Variants in HTR2A observed in about 807,000 individuals in gnomAD.
HTR2A encodes 5-hydroxytryptamine receptor 2A.
HTR2A carries 14 observed loss-of-function variants against 31.0 expected under a neutral mutation model. The ratio of observed to expected loss-of-function variants is 0.45; its 90% CI spans 0.30 to 0.71. HTR2A has a LOEUF of 0.71. Ranked by LOEUF, HTR2A falls within the 30% of genes least tolerant of loss-of-function variation. HTR2A has a pLI of 0.09. For missense variants in HTR2A, 442 were observed against 573.3 expected (o/e 0.77, Z 2.34); for synonymous variants, 209 against 225.2 (o/e 0.93, Z 0.64).
chr13:46,854,491 A>C (rs1197513494), intron 3 of HTR2A, among the ~76,000 whole-genome samples: 1 of 152,206 alleles, frequency 6.6e-6, no homozygotes, highest in Non-Finnish European at 1.5e-5. Context: ...GAGCTCATGC[A>C]ATTTGGTTCA....
chr13:46,864,664 A>G (rs1431811555), intron 3 of HTR2A, among the ~76,000 whole-genome samples: 1 of 152,184 alleles, frequency 6.6e-6, no homozygotes, highest in Non-Finnish European at 1.5e-5. Context: ...TTTTCCCTTT[A>G]TAAGACACTA....
At chr13:46,846,930 C>T (rs987449862) in intron 3 of HTR2A, among the ~76,000 whole-genome samples, 4 of 152,234 alleles carry the variant, frequency 2.6e-5, no homozygotes, top group Non-Finnish European at 5.9e-5. Context: ...TTCAGTCATG[C>T]AAGCCCTGGA....
At chr13:46,851,936 G>C (rs572863067) in intron 3 of HTR2A, among the ~76,000 whole-genome samples, 2 of 152,220 alleles carry the variant, frequency 1.3e-5, no homozygotes, top group Admixed American at 6.5e-5. Context: ...TAATTAGAGT[G>C]CCCTGGATTA....
At chr13:46,840,512 C>T (rs1019178115) in intron 3 of HTR2A, among the ~76,000 whole-genome samples, 4 of 152,148 alleles carry the variant, frequency 2.6e-5, no homozygotes, top group Non-Finnish European at 5.9e-5. Flanking sequence ...ATTGTTAAAA[C>T]ATTACCCACA....
intron 3 of HTR2A, among the ~76,000 whole-genome samples, chr13:46,876,576 A>AAAAAAATCTATTTAGACTGACGGTAC (rs1950915361): frequency 6.7e-6 from 1 of 149,430 alleles, no homozygotes; most frequent in South Asian, 2.1e-4. Context: ...CGCCCTACTA[A>AAAAAAATCTATTTAGACTGACGGTAC]TTTTCTTTTT....
At chr13:46,882,229 T>TAAAA (rs10648117) in intron 3 of HTR2A, among the ~76,000 whole-genome samples, 1 of 148,652 alleles carries the variant, frequency 6.7e-6, no homozygotes, top group African/African-American at 2.5e-5. Context: ...TCAGGGAAGT[T>TAAAA]AAAAAAAAAA....
Position 46,832,112 on chromosome 13 carries a change from C to T in HTR2A, c.*2725G>A, listed in dbSNP as rs1372072712. The T allele has an allele frequency of 6.6e-6, 1 of 152,190 alleles. No homozygotes were observed. Among genetic ancestry groups the T allele is most frequent in the Non-Finnish European group, 1.5e-5 (1 of 68,040 alleles). 9.4% of individuals were successfully genotyped at this position (152,190 alleles called of 1,614,324 possible). A position where few individuals can be genotyped will look rare whatever the true frequency, so the allele number is the denominator to read the frequency against. ...ATATGTGGACCATTGTTTTCGCCAT[C>T]CTCATAGACTTGTCTTAAAGTTCTT... On this transcript the variant is annotated 3_prime_UTR_variant, in exon 4 of 4. Coordinates refer to ENST00000542664, the MANE Select transcript of HTR2A (RefSeq NM_000621.5).
chr13:46,838,650 C>T (rs1443833149), intron 3 of HTR2A, among the ~76,000 whole-genome samples: 1 of 152,074 alleles, frequency 6.6e-6, no homozygotes, highest in African/African-American at 2.4e-5. Flanking sequence ...CAGGGTGACG[C>T]CGGGTCTTAA....
chr13:46,861,381 CA>C (rs1950777391), intron 3 of HTR2A, among the ~76,000 whole-genome samples: 1 of 152,166 alleles, frequency 6.6e-6, no homozygotes, highest in Non-Finnish European at 1.5e-5. Flanking sequence ...TCCTCAGAGC[CA>C]TTATTAATTT....
rs1566322711 is a variant in HTR2A at position 46,895,267 on chromosome 13, C to T, written c.412+228G>A. On this transcript the variant is annotated intron_variant, in intron 2 of 3. Coordinates refer to ENST00000542664, the MANE Select transcript of HTR2A (RefSeq NM_000621.5). This position sits in a 1 kb window ranked among gnomAD's most constrained non-coding sequence, Gnocchi z 4.4. ...TGATCATTTTTACACAGGATGTACG[C>T]GTTTTGAAGCACAAAACTCTCCAGT... is the stretch of plus-strand genomic sequence containing the variant. The T allele has an allele frequency of 2.1e-5, 10 of 473,786 alleles. No homozygotes were observed. The East Asian group carries it at 2.4e-4, about 11-fold the overall frequency. 29.3% of individuals were successfully genotyped at this position (473,786 alleles called of 1,614,324 possible).
chr13:46,897,630 C>A (rs1310148743), upstream of HTR2A, among the ~76,000 whole-genome samples: 1 of 152,148 alleles, frequency 6.6e-6, no homozygotes, highest in Non-Finnish European at 1.5e-5. Context: ...TAAAGAAAGC[C>A]CTTTCCCAAG....
intron 3 of HTR2A, among the ~76,000 whole-genome samples, chr13:46,878,790 A>G (rs1309900353): frequency 6.6e-6 from 1 of 152,252 alleles, no homozygotes; most frequent in Non-Finnish European, 1.5e-5. Flanking sequence ...GTATACACAT[A>G]TGATTCTGTT....
chr13:46,851,097 T>C (rs1950681058), intron 3 of HTR2A, among the ~76,000 whole-genome samples: 4 of 152,210 alleles, frequency 2.6e-5, no homozygotes. Flanking sequence ...ATCCCAATAC[T>C]CTGCAACACA....
At chr13:46,859,867 C>G (rs1303867352) in intron 3 of HTR2A, among the ~76,000 whole-genome samples, 1 of 152,122 alleles carries the variant, frequency 6.6e-6, no homozygotes, top group African/African-American at 2.4e-5. Context: ...CTGAGTATAG[C>G]CAGTGGCAGC....
At position 46,832,878 on chromosome 13, in the gene HTR2A, A is replaced by G. The variant is rs1178377657; in HGVS notation, c.*1959T>C. On this transcript the variant is annotated 3_prime_UTR_variant, in exon 4 of 4. Transcript: ENST00000542664. The stretch of plus-strand genomic sequence containing the variant: ...TCAATAGAAATGCTTCAGCATTGTA[A>G]TCATATATATAACATTGATTCTAAT... The G allele has an allele frequency of 6.6e-6, 1 of 152,188 alleles. No homozygotes were observed. The highest frequency in any genetic ancestry group is 1.5e-5 in the Non-Finnish European group (1 of 68,026). The allele number at this position is 152,188 out of a possible 1,614,324, so 9.4% of individuals were successfully genotyped here. A position where few individuals can be genotyped will look rare whatever the true frequency, so the allele number is the denominator to read the frequency against.
chr13:46,862,388 T>C (rs1950786533), intron 3 of HTR2A, among the ~76,000 whole-genome samples: 1 of 152,240 alleles, frequency 6.6e-6, no homozygotes, highest in African/African-American at 2.4e-5. Flanking sequence ...AAGAACTGTG[T>C]AACATATGGG....
rs988377857 is a variant in HTR2A, at chr13:46,896,688, T to C, written c.-343A>G. 1 of 1,532,720 alleles carries C rather than the reference T, an allele frequency of 6.5e-7. No homozygotes were observed. Among genetic ancestry groups the C allele is most frequent in the Non-Finnish European group, 8.7e-7 (1 of 1,144,818 alleles). 94.9% of individuals were successfully genotyped at this position (1,532,720 alleles called of 1,614,324 possible). ...TGAGAACTTACATTTGTCTTCAGGG[T>C]CCACACATGAGATACATTTGTTATT... On this transcript the variant is annotated 5_prime_UTR_variant, in exon 1 of 4. Transcript: ENST00000542664.
chr13:46,880,601 G>T (rs1459223013), intron 3 of HTR2A, among the ~76,000 whole-genome samples: 1 of 152,152 alleles, frequency 6.6e-6, no homozygotes, highest in Non-Finnish European at 1.5e-5. Context: ...CACTTTGGGA[G>T]GCCGAGGCAG....
At chr13:46,869,239 C>G (rs1566312060) in intron 3 of HTR2A, among the ~76,000 whole-genome samples, 1 of 152,050 alleles carries the variant, frequency 6.6e-6, no homozygotes, top group Non-Finnish European at 1.5e-5. Flanking sequence ...ACTCAACAAA[C>G]AGATAAAACA....
Sources: gnomAD v4.1 joint callset for allele counts (sites outside exome capture counted in the v4.1 genomes callset) on GRCh38, gnomAD v4.1.1 for gene constraint, Gnocchi (gnomAD v3.1) non-coding constraint, MANE v1.5 for transcripts, NCBI Gene and HGNC (gene_info 2026-07-23, HGNC 2026-07-21) for gene names.